Variants in IMPDH1 observed in about 807,000 individuals in gnomAD.
IMPDH1 encodes the protein inosine-5'-monophosphate dehydrogenase 1.
Under a neutral mutation model 73.5 loss-of-function variants are expected in IMPDH1, and 41 were observed. The observed-to-expected ratio is 0.56, with a 90% CI of 0.43 to 0.72. The LOEUF (loss-of-function observed/expected upper bound fraction) is 0.72. IMPDH1 is among the 30% of genes least tolerant of loss of function. IMPDH1 has a pLI of 0.00. For missense variants in IMPDH1, 645 were observed against 824.8 expected (o/e 0.78, Z 2.67); for synonymous variants, 318 against 334.3 (o/e 0.95, Z 0.53).
At position 128,400,079 on chromosome 7, in the gene IMPDH1, A is replaced by T. The variant is rs1450361658; in HGVS notation, c.874+16T>A. The T allele has an allele frequency of 1.9e-6, 3 of 1,595,076 alleles. No homozygotes were observed. The African/African-American group carries it at 4.0e-5, about 21-fold the overall frequency. Reference sequence around the variant, plus strand: ...AGTCAGGCTGGGGGTTGAGTTTTCAACTAGCTCCCTGGTACCTTTCTTGCT... The same window carrying T: ...AGTCAGGCTGGGGGTTGAGTTTTCATCTAGCTCCCTGGTACCTTTCTTGCT... On this transcript the variant is annotated intron_variant, in intron 9 of 16. Coordinates refer to ENST00000338791, the MANE Select transcript of IMPDH1 (RefSeq NM_000883.4).
chr7:128,405,707 CGGCCCGGGGG>C, intron 4 of IMPDH1, 50 bp downstream of exon 4: 1 of 1,504,502 alleles, frequency 6.6e-7, no homozygotes, highest in East Asian at 2.7e-5. Context: ...CGTGCAGGGC[CGGCCCGGGGG>C]TCGCGGCGCG....
intron 4 of IMPDH1, among the ~76,000 whole-genome samples, chr7:128,405,518 G>A (rs1798655854): frequency 2.6e-5 from 4 of 152,200 alleles, no homozygotes; most frequent in Admixed American, 2.6e-4. Context: ...GCCGCTGAGA[G>A]GAGGAAGGGG....
Position 128,405,966 on chromosome 7 carries a change from C to CT in IMPDH1, c.255-102dup, listed in dbSNP as rs550212533. 2,793 of 1,025,440 alleles carry CT rather than the reference C, an allele frequency of 2.7e-3. 66 individuals carry two copies. The African/African-American group carries it at 0.046, about 17-fold the overall frequency. The allele number at this position is 1,025,440 out of a possible 1,614,324, so 63.5% of individuals were successfully genotyped here. A position where few individuals can be genotyped will look rare whatever the true frequency, so the allele number is the denominator to read the frequency against. On this transcript the variant is annotated intron_variant, in intron 3 of 16. Coordinates refer to ENST00000338791, the MANE Select transcript of IMPDH1 (RefSeq NM_000883.4). ...CTGCTGACGCCGCGCCGCGGCCACG[C>CT]TGCTGCCGCGGGCCGGGCGGGCCGG...
chr7:128,406,001 C>T (rs970552892), intron 3 of IMPDH1, 136 bp from the exon 4 acceptor site: 4 of 553,130 alleles, frequency 7.2e-6, no homozygotes, highest in South Asian at 1.5e-4. Context: ...GGGGCGGGGG[C>T]GGGGGCTGCG....
chr7:128,405,272 G>C (rs113291393), intron 4 of IMPDH1, among the ~76,000 whole-genome samples: 5 of 152,210 alleles, frequency 3.3e-5, no homozygotes, highest in Non-Finnish European at 1.5e-5. Flanking sequence ...CCAACCTGTG[G>C]GCAGGGAGGG....
chr7:128,409,139 C>T, intron 3 of IMPDH1, 150 bp downstream of exon 3: 2 of 745,210 alleles, frequency 2.7e-6, no homozygotes, highest in South Asian at 3.0e-5. Flanking sequence ...CCCCTGGGGC[C>T]CAGCTCACTA....
chr7:128,395,379 G>T, intron 12 of IMPDH1, 105 bp from the exon 13 acceptor site: 1 of 1,346,150 alleles, frequency 7.4e-7, no homozygotes, highest in Non-Finnish European at 1.0e-6. Context: ...CTCTACTCAG[G>T]AAAAGGGACA....
rs938741740 is a variant in IMPDH1 at position 128,398,185 on chromosome 7, G to A, written c.1074+229C>T. On this transcript the variant is annotated intron_variant, in intron 10 of 16. Transcript: ENST00000338791. The surrounding 1 kb of genome is among the most constrained non-coding windows in gnomAD (Gnocchi z 4.3). Reference sequence around the variant, plus strand: ...AGAAAGGGTCTCGTTCTGTCCCCAGGGCTGGAGTGCAGTGGCACGATCCTA... The same window carrying A: ...AGAAAGGGTCTCGTTCTGTCCCCAGAGCTGGAGTGCAGTGGCACGATCCTA... 3.3e-5 allele frequency among the ~76,000 whole-genome samples: 5 copies of A among 152,116 alleles called. No homozygotes were observed. Among genetic ancestry groups the A allele is most frequent in the African/African-American group, 7.2e-5 (3 of 41,402 alleles).
intron 3 of IMPDH1, among the ~76,000 whole-genome samples, chr7:128,406,285 A>AC (rs375256813): frequency 0.33 from 9,533 of 28,530 alleles, 582 homozygotes; most frequent in Middle Eastern, 0.39. Flanking sequence ...CAGAGGCCCC[A>AC]CCCCCCCACA....
intron 3 of IMPDH1, among the ~76,000 whole-genome samples, chr7:128,406,789 A>C (rs1798808638): frequency 2.0e-5 from 3 of 152,156 alleles, no homozygotes; most frequent in Non-Finnish European, 4.4e-5. Flanking sequence ...AGGGCTTTTA[A>C]TCTCAGAGAG....
rs1225530903 is a variant in IMPDH1, at chr7:128,394,261, G to A, written c.1778+17C>T. 5 of 1,607,776 alleles carry A rather than the reference G, an allele frequency of 3.1e-6. No individual in the cohort carries two copies. The Admixed American group carries it at 5.0e-5, about 16-fold the overall frequency. ...CCCACTGCCTCCAAGTGACAGCAAG[G>A]AGGCCACCACACTTACGAGTGCAGG... On this transcript the variant is annotated intron_variant, in intron 16 of 16. Transcript: ENST00000338791. The surrounding 1 kb of genome is among the most constrained non-coding windows in gnomAD (Gnocchi z 5.5).
Position 128,395,287 on chromosome 7 carries a change from G to A in IMPDH1, c.1262-13C>T. 1.2e-6 allele frequency: 2 copies of A among 1,612,650 alleles called. No homozygotes were observed. Among genetic ancestry groups the A allele is most frequent in the Non-Finnish European group, 1.7e-6 (2 of 1,180,022 alleles). Reference sequence around the variant, plus strand: ...CCACAGGCCATCACTGGGGGAGGGTGGGGTGCACAAGGCAGAGAAGAGTCA... The same window carrying A: ...CCACAGGCCATCACTGGGGGAGGGTAGGGTGCACAAGGCAGAGAAGAGTCA... On this transcript the variant is annotated splice_polypyrimidine_tract_variant and intron_variant, in intron 12 of 16. Coordinates refer to ENST00000338791, the MANE Select transcript of IMPDH1 (RefSeq NM_000883.4).
chr7:128,404,804 T>C (rs1452782331), intron 4 of IMPDH1, among the ~76,000 whole-genome samples: 1 of 152,194 alleles, frequency 6.6e-6, no homozygotes, highest in Non-Finnish European at 1.5e-5. Flanking sequence ...GCAGCCCTTC[T>C]TCTGTATAGC....
intron 3 of IMPDH1, among the ~76,000 whole-genome samples, chr7:128,407,355 G>C (rs1294876476): frequency 6.6e-6 from 1 of 152,198 alleles, no homozygotes; most frequent in African/African-American, 2.4e-5. Flanking sequence ...AACACAGACT[G>C]TTCCATCTGT....
chr7:128,405,712 C>T, intron 4 of IMPDH1, 55 bp downstream of exon 4: 9 of 1,508,878 alleles, frequency 6.0e-6, no homozygotes, highest in Non-Finnish European at 8.0e-6. Context: ...AGGGCCGGCC[C>T]GGGGGTCGCG....
In IMPDH1 at chr7:128,394,686, C is replaced by A; in HGVS notation, c.1551-87G>T. ...CTTAAGGGCAAAAACGGGATACCGC[C>A]CAGGAAGGTCCCCCAGGCCACCCCT... On this transcript the variant is annotated intron_variant, in intron 14 of 16. Coordinates refer to ENST00000338791, the MANE Select transcript of IMPDH1 (RefSeq NM_000883.4). This position sits in a 1 kb window ranked among gnomAD's most constrained non-coding sequence, Gnocchi z 5.5. 1.3e-6 allele frequency: 2 copies of A among 1,539,018 alleles called. No homozygotes were observed. The highest frequency in any genetic ancestry group is 1.8e-6 in the Non-Finnish European group (2 of 1,124,864).
At chr7:128,408,165 G>A (rs1798901670) in intron 3 of IMPDH1, among the ~76,000 whole-genome samples, 1 of 152,194 alleles carries the variant, frequency 6.6e-6, no homozygotes, top group Non-Finnish European at 1.5e-5. Flanking sequence ...CCTAGCAGCT[G>A]TGGGGATAGG....
At chr7:128,402,652 G>A (rs1263746143) in intron 5 of IMPDH1, among the ~76,000 whole-genome samples, 2 of 152,138 alleles carry the variant, frequency 1.3e-5, no homozygotes, top group Non-Finnish European at 2.9e-5. Context: ...CAGGCCCTCT[G>A]GCCTTTCATG....
In IMPDH1 at chr7:128,403,713, T is replaced by C. The variant is rs1389401276; in HGVS notation, c.395A>G (p.Asp132Gly). 6.2e-7 allele frequency: 1 copy of C among 1,613,910 alleles called. No individual in the cohort carries two copies. The highest frequency in any genetic ancestry group is 1.7e-4 in the Middle Eastern group (1 of 6,060). ...AAAGGAAGAGGTACTCACCACCTCA[T>C]CAGCTATGAAGTCTATGAATCCTGG... is the stretch of plus-strand genomic sequence containing the variant. ...ILPGFIDFIA[D>G]EVDLTSALTR... The change falls in exon 5 of 17, where the codon GAT (aspartate) becomes GGT (glycine). Residue 132 changes from aspartate to glycine, a missense_variant. By Grantham distance (94) the Asp-to-Gly change is moderately conservative (BLOSUM62 -1). Around this residue, in one of 2 missense-constraint regions of IMPDH1, gnomAD observed 186 missense variants for 186.6 expected, o/e 1.00. Coordinates refer to ENST00000338791, the MANE Select transcript of IMPDH1 (RefSeq NM_000883.4).
Sources: allele counts gnomAD v4.1 joint callset (sites outside exome capture counted in the v4.1 genomes callset), GRCh38; gene constraint gnomAD v4.1.1; regional missense constraint gnomAD v4.1.1; non-coding constraint Gnocchi (gnomAD v3.1); transcripts MANE v1.5; gene names NCBI Gene and HGNC (gene_info 2026-07-23, HGNC 2026-07-21).